Variants in CCDC167 observed in about 807,000 individuals in gnomAD.
The protein encoded by CCDC167 is coiled-coil domain containing 167.
In CCDC167, 15 loss-of-function variants were observed where a neutral mutation model predicts 12.7. That is an observed-to-expected ratio of 1.18 (90% CI 0.79 to 1.81). The LOEUF is 1.81. Among genes scored for constraint, CCDC167 ranks in the 40% most tolerant of loss-of-function variants. CCDC167 has a pLI of 0.00. For missense variants in CCDC167, 121 were observed against 120.1 expected, an observed-to-expected ratio of 1.01 and a Z score of -0.03; for synonymous variants, 52 against 49.0, an observed-to-expected ratio of 1.06 and a Z score of -0.26.
intron 1 of CCDC167, among the ~76,000 whole-genome samples, chr6:37,485,768 G>C (rs1034940045): frequency 6.6e-6 from 1 of 152,226 alleles, no homozygotes; most frequent in African/African-American, 2.4e-5. Context: ...ACATTTTTCT[G>C]TGAGAATCAA....
intron 1 of CCDC167, among the ~76,000 whole-genome samples, chr6:37,498,019 G>T (rs1294651731): frequency 2.0e-5 from 3 of 152,170 alleles, no homozygotes; most frequent in Non-Finnish European, 2.9e-5. Flanking sequence ...CTGAGAACAT[G>T]GACTGCGAGC....
chr6:37,483,236 CAG>C lies in CCDC167; in HGVS notation c.242_243del (p.Ser81CysfsTer56), dbSNP rs780259137. 1.9e-5 allele frequency: 31 copies of C among 1,614,184 alleles called. No individual in the cohort carries two copies. The African/African-American group carries it at 3.2e-4, about 17-fold the overall frequency. On this transcript the variant is annotated frameshift_variant, in exon 4 of 4. Transcript: ENST00000373408. LOFTEE classifies it high-confidence loss of function. ...AGCGTCAGGAGGATAAAGATGGCCA[CAG>C]AGAGCAGCATGTTCTTCCGGTTCTC... ...RQENRKNMLL[S>X]VAIFILLTLV...
At chr6:37,492,875 C>G (rs1446662458) in intron 1 of CCDC167, among the ~76,000 whole-genome samples, 1 of 152,160 alleles carries the variant, frequency 6.6e-6, no homozygotes, top group Non-Finnish European at 1.5e-5. Context: ...GGTTCTTAGG[C>G]CTCAATTTTC....
chr6:37,484,958 C>A, intron 2 of CCDC167, 96 bp from the exon 3 acceptor site: 1 of 1,522,420 alleles, frequency 6.6e-7, no homozygotes, highest in South Asian at 1.1e-5. Context: ...GGGTCTTGTT[C>A]GGCGGCAGGG....
At chr6:37,494,176 C>T (rs756508437) in intron 1 of CCDC167, among the ~76,000 whole-genome samples, 61 of 151,236 alleles carry the variant, frequency 4.0e-4, no homozygotes, top group Non-Finnish European at 7.4e-4. Context: ...AGCGATTCTC[C>T]TGCCTCAGCC....
intron 1 of CCDC167, among the ~76,000 whole-genome samples, chr6:37,489,456 G>A (rs1483840183): frequency 2.0e-5 from 3 of 152,180 alleles, no homozygotes; most frequent in Non-Finnish European, 2.9e-5. Context: ...ATGGCATGGT[G>A]GGAACCTTGC....
At chr6:37,496,274 A>G (rs1390743997) in intron 1 of CCDC167, among the ~76,000 whole-genome samples, 3 of 151,966 alleles carry the variant, frequency 2.0e-5, no homozygotes, top group African/African-American at 7.3e-5. Context: ...CTCTACTAAA[A>G]ATACAAAACT....
chr6:37,498,969 A>C (rs1178698854), intron 1 of CCDC167, among the ~76,000 whole-genome samples: 2 of 152,206 alleles, frequency 1.3e-5, no homozygotes, highest in Admixed American at 1.3e-4. Context: ...TGAACTCACT[A>C]GTAAGCCTGA....
chr6:37,483,392 C>A, intron 3 of CCDC167, 103 bp from the exon 4 acceptor site: 2 of 753,184 alleles, frequency 2.7e-6, no homozygotes, highest in South Asian at 1.5e-5. Context: ...GGCAAAGACG[C>A]ACCCTTCCAG....
intron 1 of CCDC167, among the ~76,000 whole-genome samples, chr6:37,497,849 T>C (rs530040479): frequency 6.6e-6 from 1 of 152,092 alleles, no homozygotes; most frequent in South Asian, 2.1e-4. Flanking sequence ...AGTGAGATTC[T>C]GTCTCAAAAG....
rs1008285241 is a variant in CCDC167 at position 37,485,189 on chromosome 6, A to G, written c.48T>C (p.Asp16=). 1.2e-6 allele frequency: 2 copies of G among 1,612,736 alleles called. No homozygotes were observed. The highest frequency in any genetic ancestry group is 1.7e-6 in the Non-Finnish European group (2 of 1,179,614). ...ACTGGGACAGCTTCTCCTCTAGCCC[A>G]TCGATCTGAAACAAAGGCCACAGAG... ...RENLGVALEI[D]GLEEKLSQCR... Residue 16 remains aspartate (D), a synonymous_variant, in exon 2 of 4, where the codon GAT becomes GAC. Transcript: ENST00000373408.
chr6:37,493,201 T>C (rs1762045915), intron 1 of CCDC167, among the ~76,000 whole-genome samples: 1 of 152,190 alleles, frequency 6.6e-6, no homozygotes, highest in Admixed American at 6.5e-5. Flanking sequence ...TCCCGACGCC[T>C]TCCCGCGAGG....
Position 37,483,134 on chromosome 6 carries a change from C to G in CCDC167, c.*52G>C. 1.4e-6 allele frequency: 2 copies of G among 1,416,718 alleles called. No individual in the cohort carries two copies. The highest frequency in any genetic ancestry group is 1.1e-5 in the South Asian group (1 of 87,000). 87.8% of individuals were successfully genotyped at this position (1,416,718 alleles called of 1,614,324 possible). Reference sequence around the variant, plus strand: ...TGAGGCTTGAAGTGCCTGCTTGATCCTGATCAAGGGGCCAAGTGGAAGCCT... The same window carrying G: ...TGAGGCTTGAAGTGCCTGCTTGATCGTGATCAAGGGGCCAAGTGGAAGCCT... On this transcript the variant is annotated 3_prime_UTR_variant, in exon 4 of 4. Transcript: ENST00000373408.
chr6:37,498,818 C>CT (rs1019236802), intron 1 of CCDC167, among the ~76,000 whole-genome samples: 2 of 83,926 alleles, frequency 2.4e-5, no homozygotes, highest in Non-Finnish European at 5.5e-5. Flanking sequence ...GAGCGAGACT[C>CT]TGTCTTAAAA....
In CCDC167 at chr6:37,483,060, T is replaced by C; in HGVS notation, c.*126A>G. 1 of 806,412 alleles carries C rather than the reference T, an allele frequency of 1.2e-6. No homozygotes were observed. Among genetic ancestry groups the C allele is most frequent in the Non-Finnish European group, 2.2e-6 (1 of 463,424 alleles). The allele number at this position is 806,412 out of a possible 1,614,324, so 50.0% of individuals were successfully genotyped here. ...CAAGGCCTGGGCCGCCAGGAAGCCA[T>C]GCTTGAACACTAGGTTGGGAGGGGA... is the stretch of plus-strand genomic sequence containing the variant. On this transcript the variant is annotated 3_prime_UTR_variant, in exon 4 of 4. Transcript: ENST00000373408.
chr6:37,485,075 TG>T, intron 2 of CCDC167, 24 bp downstream of exon 2: 2 of 1,541,252 alleles, frequency 1.3e-6, no homozygotes. Flanking sequence ...TGGGGAAGGG[TG>T]GGGTGGCTGG....
chr6:37,483,653 C>T (rs1179942436), intron 3 of CCDC167, among the ~76,000 whole-genome samples: 1 of 152,166 alleles, frequency 6.6e-6, no homozygotes, highest in Non-Finnish European at 1.5e-5. Flanking sequence ...GGCTGTGGTG[C>T]TCATCCTTCA....
Position 37,494,121 on chromosome 6 carries a change from G to A in CCDC167, c.42+5701C>T, listed in dbSNP as rs553254571. On this transcript the variant is annotated intron_variant, in intron 1 of 3. Transcript: ENST00000373408. ...CCTCTTGTTGCCCAGGCTAGAGTGC[G>A]ATGGCACCATCTCGGCTCACCGCAA... is the stretch of plus-strand genomic sequence containing the variant. 1.5e-3 allele frequency among the ~76,000 whole-genome samples: 214 copies of A among 140,118 alleles called. 7 individuals are homozygous for A. The highest frequency in any genetic ancestry group is 4.0e-3 in the Middle Eastern group (1 of 250). The allele number at this position is 140,118 out of a possible 152,430, so 91.9% of individuals were successfully genotyped here.
intron 1 of CCDC167, among the ~76,000 whole-genome samples, chr6:37,497,177 A>G (rs1762106601): frequency 6.6e-6 from 1 of 152,200 alleles, no homozygotes; most frequent in Non-Finnish European, 1.5e-5. Context: ...TCCTTCATTT[A>G]CATACTCCTA....
Sources: gnomAD v4.1 joint callset for allele counts (sites outside exome capture counted in the v4.1 genomes callset) on GRCh38, gnomAD v4.1.1 for gene constraint, MANE v1.5 for transcripts, NCBI Gene and HGNC (gene_info 2026-07-23, HGNC 2026-07-21) for gene names.